NBAS: variants seen among roughly 807,000 people sequenced by gnomAD.
The protein encoded by NBAS is NAG/BC035112 fusion.
A neutral mutation model predicts 302.5 loss-of-function variants in NBAS; 219 were observed. The observed-to-expected ratio is 0.72, with a 90% CI of 0.65 to 0.81. The LOEUF (loss-of-function observed/expected upper bound fraction) is 0.81, where lower values mean the gene tolerates loss of function less well. Among genes scored for constraint, NBAS ranks in the 30% least tolerant of loss-of-function variants. The pLI is 0.00. For missense variants in NBAS, 2,932 were observed against 2,841.6 expected (o/e 1.03, Z -0.72); for synonymous variants, 1,118 against 1,021.6 (o/e 1.09, Z -1.80).
At chr2:14,958,984 C>T in the NBAS span, among the ~76,000 whole-genome samples, 1 of 152,136 alleles carries the variant, frequency 6.6e-6, no homozygotes, top group Admixed American at 6.5e-5. Flanking sequence ...ACTGAAGAGG[C>T]TTGGGTGACC....
the NBAS span, among the ~76,000 whole-genome samples, chr2:14,923,194 T>G: frequency 6.7e-6 from 1 of 148,866 alleles, no homozygotes; most frequent in East Asian, 1.9e-4. Context: ...TCAGTGGTTC[T>G]CCGTTCATTC....
the NBAS span, among the ~76,000 whole-genome samples, chr2:14,969,729 C>A: frequency 2.3e-3 from 352 of 152,150 alleles, no homozygotes; most frequent in African/African-American, 8.2e-3. Context: ...TATTAGTAAA[C>A]GGTGCTGGAA....
intron 48 of NBAS, among the ~76,000 whole-genome samples, chr2:15,197,262 A>G (rs1665668340): frequency 6.6e-6 from 1 of 152,218 alleles, no homozygotes; most frequent in Admixed American, 6.5e-5. Context: ...GAAGTGAAGC[A>G]TAAACATATA....
chr2:15,166,237 G>A (rs955359100), downstream of NBAS, among the ~76,000 whole-genome samples: 4 of 152,152 alleles, frequency 2.6e-5, no homozygotes, highest in African/African-American at 7.2e-5. Flanking sequence ...GCACATCAGC[G>A]AACCCTAAGA....
chr2:15,138,357 G>A, the NBAS span, among the ~76,000 whole-genome samples: 7 of 152,146 alleles, frequency 4.6e-5, no homozygotes, highest in Admixed American at 4.6e-4. Context: ...GAGTCCAGGT[G>A]GTGCAGGATG....
At chr2:15,163,326 C>T (rs1417062171), downstream of NBAS, among the ~76,000 whole-genome samples, 1 of 152,140 alleles carries the variant, frequency 6.6e-6, no homozygotes, top group African/African-American at 2.4e-5. Flanking sequence ...TATTTGGATC[C>T]TTTCATTTTC....
intron 23 of NBAS, among the ~76,000 whole-genome samples, chr2:15,419,163 G>A (rs1677086169): frequency 6.6e-6 from 1 of 151,942 alleles, no homozygotes; most frequent in African/African-American, 2.4e-5. Flanking sequence ...AAATAATAAG[G>A]GGCTAAACTA....
the NBAS span, among the ~76,000 whole-genome samples, chr2:14,989,893 A>G: frequency 6.6e-6 from 1 of 152,228 alleles, no homozygotes; most frequent in Non-Finnish European, 1.5e-5. Context: ...TGAGTTAGCT[A>G]TAATTGTAAA....
At chr2:15,319,067 T>C (rs1450722316) in intron 38 of NBAS, among the ~76,000 whole-genome samples, 2 of 152,126 alleles carry the variant, frequency 1.3e-5, no homozygotes, top group Non-Finnish European at 2.9e-5. Flanking sequence ...CACAGTGCAA[T>C]CAAATTAGAA....
intron 9 of NBAS, among the ~76,000 whole-genome samples, chr2:15,533,201 A>G (rs1663305917): frequency 6.6e-6 from 1 of 152,226 alleles, no homozygotes; most frequent in Non-Finnish European, 1.5e-5. Flanking sequence ...TACTCTGGAA[A>G]ACATTTGACA....
intron 6 of NBAS, among the ~76,000 whole-genome samples, chr2:15,544,357 T>TG: frequency 7.0e-6 from 1 of 142,984 alleles, no homozygotes; most frequent in Non-Finnish European, 1.5e-5. Flanking sequence ...TGACAAATGG[T>TG]GAAGGGAGGG....
chr2:14,977,538 T>C, the NBAS span, among the ~76,000 whole-genome samples: 1 of 152,238 alleles, frequency 6.6e-6, no homozygotes, highest in Non-Finnish European at 1.5e-5. Context: ...GGTAGATTAA[T>C]TTTCTTCTGA....
At chr2:14,800,121 T>A in the NBAS span, among the ~76,000 whole-genome samples, 1 of 152,224 alleles carries the variant, frequency 6.6e-6, no homozygotes, top group Non-Finnish European at 1.5e-5. Context: ...TATTCTTTGT[T>A]TCCTTTTAAC....
intron 21 of NBAS, among the ~76,000 whole-genome samples, chr2:15,443,719 G>C (rs1458918723): frequency 3.3e-5 from 5 of 150,978 alleles, no homozygotes; most frequent in East Asian, 2.0e-4. Context: ...AATTGTCCCT[G>C]TTTGCAGACG....
At chr2:15,457,476 A>G (rs1679299681) in intron 21 of NBAS, among the ~76,000 whole-genome samples, 1 of 152,208 alleles carries the variant, frequency 6.6e-6, no homozygotes. Flanking sequence ...TGACGAGAAA[A>G]AAGAAAAGAG....
the NBAS span, among the ~76,000 whole-genome samples, chr2:15,050,175 G>T: frequency 6.6e-6 from 1 of 152,080 alleles, no homozygotes; most frequent in Non-Finnish European, 1.5e-5. Context: ...TCATCCTGAA[G>T]CTATCCCAGC....
intron 48 of NBAS, among the ~76,000 whole-genome samples, chr2:15,209,364 T>C (rs796931214): frequency 3.3e-5 from 5 of 152,156 alleles, no homozygotes; most frequent in African/African-American, 1.2e-4. Flanking sequence ...ACCAAATATT[T>C]AAAGAAGAAT....
chr2:15,385,565 AACAG>A (rs1675250426), intron 28 of NBAS, among the ~76,000 whole-genome samples: 1 of 152,210 alleles, frequency 6.6e-6, no homozygotes, highest in Non-Finnish European at 1.5e-5. Flanking sequence ...TTTGCAAATT[AACAG>A]ACAGATCCTG....
At chr2:15,210,223 C>T (rs1666343703) in intron 48 of NBAS, among the ~76,000 whole-genome samples, 3 of 152,028 alleles carry the variant, frequency 2.0e-5, no homozygotes, top group Admixed American at 2.0e-4. Flanking sequence ...GCAAACTACT[C>T]ATCTGACAAG....
Sources: gnomAD v4.1 joint callset for allele counts (sites outside exome capture counted in the v4.1 genomes callset) on GRCh38, gnomAD v4.1.1 for gene constraint, MANE v1.5 for transcripts, NCBI Gene and HGNC (gene_info 2026-07-23, HGNC 2026-07-21) for gene names.